TTC39A: variants seen among roughly 807,000 people sequenced by gnomAD.
TTC39A encodes the protein tetratricopeptide repeat domain 39A, also known as tetratricopeptide repeat protein 39A.
TTC39A carries 46 observed loss-of-function variants against 82.3 expected under a neutral mutation model. The ratio of observed to expected loss-of-function variants is 0.56; its 90% CI spans 0.44 to 0.71. TTC39A has a LOEUF of 0.71. TTC39A is among the 30% of genes least tolerant of loss of function. The probability of loss-of-function intolerance (pLI) is 0.00; values close to 1 mark genes in which losing one functional copy is unlikely to be tolerated. For synonymous variants in TTC39A, 254 were observed against 275.2 expected (o/e 0.92, Z 0.76); for missense variants, 543 against 712.9 (o/e 0.76, Z 2.71).
chr1:51,332,001 G>C (rs1300755007), upstream of TTC39A, among the ~76,000 whole-genome samples: 4 of 152,218 alleles, frequency 2.6e-5, no homozygotes, highest in Admixed American at 2.0e-4. Flanking sequence ...TAAAGAGGAT[G>C]ATGAGGCTGG....
chr1:51,324,201 G>A (rs1645628444), intron 1 of TTC39A, among the ~76,000 whole-genome samples: 1 of 152,148 alleles, frequency 6.6e-6, no homozygotes, highest in Non-Finnish European at 1.5e-5. Context: ...GTCTAACTTT[G>A]CTGGTGGGGG....
At chr1:51,340,490 C>A (rs1479727232) in intron 1 of TTC39A, among the ~76,000 whole-genome samples, 1 of 152,232 alleles carries the variant, frequency 6.6e-6, no homozygotes, top group East Asian at 1.9e-4. Context: ...TCAGTGGTCA[C>A]ATTTGCTAAA....
chr1:51,301,040 C>G (rs954596903), intron 12 of TTC39A: 1 of 152,500 alleles, frequency 6.6e-6, no homozygotes, highest in South Asian at 2.1e-4. Context: ...CCAAGCCAGA[C>G]GACATCATTT....
rs1044505845 is a variant in TTC39A, at chr1:51,343,558, C to T, written c.53+1433G>A. Among the ~76,000 whole-genome samples the T allele has an allele frequency of 2.0e-5, 3 of 152,166 alleles. No homozygotes were observed. The East Asian group carries it at 5.8e-4, about 29-fold the overall frequency. On this transcript the variant is annotated intron_variant, in intron 1 of 5. Coordinates refer to the TTC39A transcript ENST00000401051. Reference sequence around the variant, plus strand: ...CATAACATTGCCTTATTGTATGCCTCGCCCAGCATCTATTTCTGATGTTTA... The same window carrying T: ...CATAACATTGCCTTATTGTATGCCTTGCCCAGCATCTATTTCTGATGTTTA...
At chr1:51,313,059 TC>T in intron 2 of TTC39A, 116 bp from the exon 3 acceptor site, 1 of 1,418,608 alleles carries the variant, frequency 7.0e-7, no homozygotes, top group Non-Finnish European at 9.6e-7. Context: ...GGACCAGAGG[TC>T]CAGGCACGGG....
upstream of TTC39A, among the ~76,000 whole-genome samples, chr1:51,333,800 C>G (rs1645941238): frequency 6.6e-6 from 1 of 152,314 alleles, no homozygotes; most frequent in South Asian, 2.1e-4. Flanking sequence ...CAGTTCATCT[C>G]TGTGTCTCAG....
intron 1 of TTC39A, among the ~76,000 whole-genome samples, chr1:51,328,915 G>A (rs995053645): frequency 2.2e-4 from 33 of 152,168 alleles, no homozygotes; most frequent in African/African-American, 7.2e-4. Flanking sequence ...GAATGGTCCT[G>A]CTGCGTGCGG....
At position 51,311,180 on chromosome 1, in the gene TTC39A, G is replaced by T. The variant is rs2148224437; in HGVS notation, c.423+74C>A. ...GGGGGATGGGTCACAGTTGCTCTAG[G>T]GGATGGGTCATGGTTGGACGTGGAA... On this transcript the variant is annotated intron_variant, in intron 5 of 17. Coordinates refer to ENST00000680483, the MANE Select transcript of TTC39A (RefSeq NM_001297663.2). 3.5e-6 allele frequency: 5 copies of T among 1,426,166 alleles called. No homozygotes were observed. The East Asian group carries it at 1.3e-4, about 36-fold the overall frequency. The allele number at this position is 1,426,166 out of a possible 1,614,324, so 88.3% of individuals were successfully genotyped here. A position where few individuals can be genotyped will look rare whatever the true frequency, so the allele number is the denominator to read the frequency against.
At chr1:51,318,465 G>C (rs1272462245) in intron 2 of TTC39A, among the ~76,000 whole-genome samples, 1 of 152,152 alleles carries the variant, frequency 6.6e-6, no homozygotes, top group Non-Finnish European at 1.5e-5. Context: ...TGGGAGTATG[G>C]TGTGGAGACT....
intron 7 of TTC39A, 50 bp from the exon 8 acceptor site, chr1:51,305,196 G>C: frequency 6.3e-7 from 1 of 1,579,104 alleles, no homozygotes; most frequent in Non-Finnish European, 8.7e-7. Context: ...GAGTGGGCAG[G>C]GGCCACCCCC....
At chr1:51,342,698 G>A (rs1198324122) in intron 1 of TTC39A, among the ~76,000 whole-genome samples, 1 of 152,218 alleles carries the variant, frequency 6.6e-6, no homozygotes, top group African/African-American at 2.4e-5. Context: ...TCAACTGGGA[G>A]TAAAGAATTC....
chr1:51,289,963 A>G, intron 16 of TTC39A, 42 bp downstream of exon 16: 1 of 1,555,556 alleles, frequency 6.4e-7, no homozygotes, highest in Non-Finnish European at 8.8e-7. Context: ...TATTCTACCC[A>G]GGAGACTCAG....
chr1:51,345,071 G>T, exon 1 of TTC39A: 1 of 1,344,584 alleles, frequency 7.4e-7, no homozygotes. Context: ...GGACGGGGCC[G>T]CGGGCGGCCC....
intron 6 of TTC39A, 67 bp downstream of exon 6, chr1:51,309,194 A>AG: frequency 6.6e-7 from 1 of 1,520,876 alleles, no homozygotes. Flanking sequence ...AAGCCGCCTG[A>AG]GGGGGACAGC....
At chr1:51,323,244 T>A (rs1311520537) in intron 1 of TTC39A, among the ~76,000 whole-genome samples, 1 of 152,044 alleles carries the variant, frequency 6.6e-6, no homozygotes, top group Non-Finnish European at 1.5e-5. Flanking sequence ...CCTCCATCAC[T>A]AAACTCCACT....
At chr1:51,300,641 T>C (rs746983564) in intron 12 of TTC39A, 4 of 152,268 alleles carry the variant, frequency 2.6e-5, no homozygotes, top group Non-Finnish European at 5.9e-5. Context: ...GCACTATCAT[T>C]ACTATGATGG....
At chr1:51,327,053 A>C (rs912224123) in intron 1 of TTC39A, among the ~76,000 whole-genome samples, 3 of 152,166 alleles carry the variant, frequency 2.0e-5, no homozygotes, top group Admixed American at 1.3e-4. Context: ...GGTAGCCTGG[A>C]GCCGCCCCCA....
At chr1:51,325,567 C>A (rs1645683486) in intron 1 of TTC39A, among the ~76,000 whole-genome samples, 2 of 152,246 alleles carry the variant, frequency 1.3e-5, no homozygotes, top group South Asian at 4.1e-4. Flanking sequence ...GATTATTACC[C>A]CCCCACACCT....
At chr1:51,292,658 T>A (rs557544586) in intron 14 of TTC39A, among the ~76,000 whole-genome samples, 3 of 152,170 alleles carry the variant, frequency 2.0e-5, no homozygotes, top group Non-Finnish European at 4.4e-5. Context: ...CTTGAACTCC[T>A]GGTCTCAAAC....
Sources: gnomAD v4.1 joint callset for allele counts (sites outside exome capture counted in the v4.1 genomes callset) on GRCh38, gnomAD v4.1.1 for gene constraint, MANE v1.5 for transcripts, NCBI Gene and HGNC (gene_info 2026-07-23, HGNC 2026-07-21) for gene names.